Variants in KCNAB1 observed in about 807,000 individuals in gnomAD.
KCNAB1 encodes the protein potassium voltage-gated channel subfamily A regulatory beta subunit 1.
A neutral mutation model predicts 64.6 loss-of-function variants in KCNAB1; 35 were observed. The ratio of observed to expected loss-of-function variants is 0.54; its 90% CI spans 0.41 to 0.72. The LOEUF (loss-of-function observed/expected upper bound fraction) is 0.72, where lower values mean the gene tolerates loss of function less well. Ranked by LOEUF, KCNAB1 falls within the 30% of genes least tolerant of loss-of-function variation. The probability of loss-of-function intolerance (pLI) is 0.00; values close to 1 mark genes in which losing one functional copy is unlikely to be tolerated. For missense variants in KCNAB1, 401 were observed against 512.9 expected (o/e 0.78, Z 2.11); for synonymous variants, 177 against 183.8 (o/e 0.96, Z 0.30).
chr3:156,336,230 C>T (rs1723701560), intron 1 of KCNAB1, among the ~76,000 whole-genome samples: 1 of 151,140 alleles, frequency 6.6e-6, no homozygotes, highest in Non-Finnish European at 1.5e-5. Context: ...GATGTGGTGG[C>T]AGGTGGCTGT....
intron 1 of KCNAB1, among the ~76,000 whole-genome samples, chr3:156,205,281 C>T (rs897509539): frequency 6.6e-6 from 1 of 152,058 alleles, no homozygotes; most frequent in Admixed American, 6.5e-5. Flanking sequence ...TAAACATCCA[C>T]CTTGGTATGA....
At chr3:156,439,224 A>ATTTTTTTTTTTTT (rs56259743) in intron 2 of KCNAB1, among the ~76,000 whole-genome samples, 1 of 115,120 alleles carries the variant, frequency 8.7e-6, no homozygotes, top group African/African-American at 3.3e-5. Flanking sequence ...CATCATTGTG[A>ATTTTTTTTTTTTT]TTTTTTTTTT....
chr3:156,317,323 G>A (rs1304209335), intron 1 of KCNAB1, among the ~76,000 whole-genome samples: 1 of 152,122 alleles, frequency 6.6e-6, no homozygotes, highest in African/African-American at 2.4e-5. Flanking sequence ...GGTTTCCATT[G>A]TGTCTTGCTA....
chr3:156,183,731 C>A (rs532307345), intron 1 of KCNAB1, among the ~76,000 whole-genome samples: 1 of 152,336 alleles, frequency 6.6e-6, no homozygotes, highest in Admixed American at 6.5e-5. Flanking sequence ...TGAACTCAGG[C>A]AATCACTGCA....
At chr3:156,376,882 A>AAGGACTTG (rs936298575) in intron 1 of KCNAB1, among the ~76,000 whole-genome samples, 3 of 152,326 alleles carry the variant, frequency 2.0e-5, no homozygotes, top group African/African-American at 7.2e-5. Context: ...ACAATGGAAC[A>AAGGACTTG]AGGACTTGAG....
At chr3:156,300,825 G>T (rs77305998) in intron 1 of KCNAB1, among the ~76,000 whole-genome samples, 1 of 152,178 alleles carries the variant, frequency 6.6e-6, no homozygotes, top group Non-Finnish European at 1.5e-5. Flanking sequence ...CAAATTTGAT[G>T]TATAGGTTTC....
At chr3:156,179,802 T>C (rs1337933230) in intron 1 of KCNAB1, among the ~76,000 whole-genome samples, 1 of 152,154 alleles carries the variant, frequency 6.6e-6, no homozygotes, top group Admixed American at 6.6e-5. Flanking sequence ...CCTTAGAAAA[T>C]GTACAATTGA....
chr3:156,398,226 G>T (rs1713611133), intron 1 of KCNAB1, among the ~76,000 whole-genome samples: 2 of 152,248 alleles, frequency 1.3e-5, no homozygotes, highest in Middle Eastern at 3.4e-3. Context: ...ACACACTGGG[G>T]CCTGTCGGGG....
intron 5 of KCNAB1, among the ~76,000 whole-genome samples, chr3:156,462,315 A>G (rs1712976286): frequency 6.6e-6 from 1 of 152,228 alleles, no homozygotes; most frequent in Non-Finnish European, 1.5e-5. Flanking sequence ...CAGTGTTTGT[A>G]TAGAATATGC....
intron 11 of KCNAB1, among the ~76,000 whole-genome samples, chr3:156,519,589 A>G (rs1425303303): frequency 1.3e-5 from 2 of 152,212 alleles, no homozygotes; most frequent in Non-Finnish European, 2.9e-5. Flanking sequence ...GGTTGCGAGT[A>G]ACAAAATCTG....
intron 1 of KCNAB1, among the ~76,000 whole-genome samples, chr3:156,310,229 A>T (rs1721800040): frequency 6.6e-6 from 1 of 152,206 alleles, no homozygotes; most frequent in Non-Finnish European, 1.5e-5. Context: ...AATCACTTAT[A>T]AAACTTGCCA....
intron 1 of KCNAB1, among the ~76,000 whole-genome samples, chr3:156,239,053 A>G (rs1717020358): frequency 6.6e-6 from 1 of 152,246 alleles, no homozygotes. Flanking sequence ...AAGTATTTTA[A>G]TCAGAAGTGT....
chr3:156,331,960 C>T (rs1252101097), intron 1 of KCNAB1, among the ~76,000 whole-genome samples: 1 of 152,142 alleles, frequency 6.6e-6, no homozygotes, highest in African/African-American at 2.4e-5. Flanking sequence ...GGAAATTCTC[C>T]CTGCTCTTGT....
At chr3:156,360,523 A>G (rs909249121) in intron 1 of KCNAB1, among the ~76,000 whole-genome samples, 1 of 152,166 alleles carries the variant, frequency 6.6e-6, no homozygotes, top group African/African-American at 2.4e-5. Flanking sequence ...CACCCTGGGC[A>G]ACATGGCAAG....
intron 1 of KCNAB1, among the ~76,000 whole-genome samples, chr3:156,394,607 T>C (rs1442878921): frequency 1.3e-5 from 2 of 151,906 alleles, no homozygotes; most frequent in Non-Finnish European, 2.9e-5. Flanking sequence ...AAAAAAAGAA[T>C]GTTTGAGGCC....
At chr3:156,181,453 C>A (rs1214713703) in intron 1 of KCNAB1, among the ~76,000 whole-genome samples, 1 of 152,196 alleles carries the variant, frequency 6.6e-6, no homozygotes, top group East Asian at 1.9e-4. Context: ...TTGAAATTCT[C>A]TAGCAGTGGA....
intron 1 of KCNAB1, among the ~76,000 whole-genome samples, chr3:156,354,018 G>A (rs192770115): frequency 7.9e-4 from 117 of 148,874 alleles, no homozygotes; most frequent in African/African-American, 2.7e-3. Context: ...CACAGTAGAG[G>A]TATTGTCATA....
At chr3:156,396,886 G>C (rs2108181168) in intron 1 of KCNAB1, among the ~76,000 whole-genome samples, 1 of 152,300 alleles carries the variant, frequency 6.6e-6, no homozygotes, top group East Asian at 1.9e-4. Flanking sequence ...AGTTACTTCA[G>C]TTCAGATGCG....
In KCNAB1 at chr3:156,189,984, G is replaced by A. The variant is rs527579875; in HGVS notation, c.275+69098G>A. On this transcript the variant is annotated intron_variant, in intron 1 of 13. Transcript: ENST00000490337. ...TGTTTGGCCAAATATTAAACCAAAA[G>A]CAATTATTAAAACAATACTTTAAAA... 1.2e-4 allele frequency among the ~76,000 whole-genome samples: 19 copies of A among 152,248 alleles called. No individual in the cohort carries two copies. In the South Asian group the frequency reaches 3.3e-3, roughly 27 times the overall value.
Sources: gnomAD v4.1 joint callset for allele counts (sites outside exome capture counted in the v4.1 genomes callset) on GRCh38, gnomAD v4.1.1 for gene constraint, MANE v1.5 for transcripts, NCBI Gene and HGNC (gene_info 2026-07-23, HGNC 2026-07-21) for gene names.